The following CAPRIN1 variants were observed in gnomAD, a reference collection of about 807,000 sequenced individuals.
The protein encoded by CAPRIN1 is cell cycle associated protein 1, also known as caprin-1.
A neutral mutation model predicts 100.9 loss-of-function variants in CAPRIN1; 29 were observed. The observed-to-expected ratio is 0.29, with a 90% CI of 0.21 to 0.39. CAPRIN1 has a LOEUF of 0.39. CAPRIN1 is among the 10% of genes least tolerant of loss of function. The probability of loss-of-function intolerance (pLI) is 1.00; values close to 1 mark genes in which losing one functional copy is unlikely to be tolerated. For synonymous variants in CAPRIN1, 338 were observed against 307.5 expected, an observed-to-expected ratio of 1.10 and a Z score of -1.04; for missense variants, 795 against 876.7, an observed-to-expected ratio of 0.91 and a Z score of 1.18.
At chr11:34,052,751 C>T in intron 2 of CAPRIN1, 115 bp downstream of exon 2, 3 of 1,417,468 alleles carry the variant, frequency 2.1e-6, no homozygotes, top group Non-Finnish European at 2.9e-6. Flanking sequence ...ACTAGGTCCC[C>T]TCCTCCCACC....
intron 11 of CAPRIN1, among the ~76,000 whole-genome samples, chr11:34,088,630 G>A (rs1027103789): frequency 3.3e-5 from 5 of 152,102 alleles, no homozygotes; most frequent in South Asian, 2.1e-4. Context: ...CTATGATGGC[G>A]CCACTGCACT....
At chr11:34,090,019 TTTATA>T (rs1188692867) in intron 12 of CAPRIN1, 155 bp from the exon 13 acceptor site, 30 of 447,310 alleles carry the variant, frequency 6.7e-5, no homozygotes, top group Middle Eastern at 6.1e-4. Flanking sequence ...ATTTTTAGGT[TTTATA>T]TTATACAAAT....
At chr11:34,055,085 G>T (rs1850421845) in intron 2 of CAPRIN1, among the ~76,000 whole-genome samples, 1 of 152,070 alleles carries the variant, frequency 6.6e-6, no homozygotes, top group African/African-American at 2.4e-5. Context: ...ACCATGACTG[G>T]TCATTAAATG....
chr11:34,065,120 C>T (rs1280769127), intron 2 of CAPRIN1, among the ~76,000 whole-genome samples: 2 of 151,788 alleles, frequency 1.3e-5, no homozygotes, highest in African/African-American at 4.8e-5. Context: ...CCACCACGCC[C>T]GACTAATTTT....
At chr11:34,055,813 C>G (rs1850438109) in intron 2 of CAPRIN1, 1 of 152,138 alleles carries the variant, frequency 6.6e-6, no homozygotes, top group Admixed American at 6.5e-5. Flanking sequence ...ACAGTTAAGT[C>G]TTGAGACTTT....
chr11:34,073,732 CT>C (rs1179708823), intron 4 of CAPRIN1, among the ~76,000 whole-genome samples: 2 of 152,116 alleles, frequency 1.3e-5, no homozygotes, highest in Admixed American at 1.3e-4. Flanking sequence ...GCTTCAATTA[CT>C]TAATCTTAGA....
chr11:34,098,966 C>G, intron 18 of CAPRIN1: 2 of 1,133,970 alleles, frequency 1.8e-6, no homozygotes, highest in Non-Finnish European at 2.2e-6. Flanking sequence ...AGAGCAGGTA[C>G]CTTGTCTGTC....
At chr11:34,063,890 T>G (rs1286643470) in intron 2 of CAPRIN1, among the ~76,000 whole-genome samples, 1 of 152,046 alleles carries the variant, frequency 6.6e-6, no homozygotes, top group Non-Finnish European at 1.5e-5. Context: ...TGCCTCACCC[T>G]CCCTAGTAGC....
rs762999393 is a variant in CAPRIN1, at chr11:34,090,694, AACATT to A, written c.1554+18_1554+22del. 5.0e-6 allele frequency: 8 copies of A among 1,603,020 alleles called. No individual in the cohort carries two copies. Among genetic ancestry groups the A allele is most frequent in the Middle Eastern group, 1.6e-4 (1 of 6,064 alleles). On this transcript the variant is annotated intron_variant, in intron 14 of 18. Transcript: ENST00000341394. The stretch of plus-strand genomic sequence containing the variant: ...CATGCAAACGGTAAGCAAATTAACT[AACATT>A]AATTGCCTAGTATGTAATATGAATC...
chr11:34,097,914 C>A, intron 18 of CAPRIN1, 153 bp downstream of exon 18: 1 of 1,389,884 alleles, frequency 7.2e-7, no homozygotes, highest in Non-Finnish European at 9.4e-7. Context: ...AAAACTTAAT[C>A]TTGGACCCAA....
chr11:34,066,125 G>A (rs1253306775), intron 2 of CAPRIN1, among the ~76,000 whole-genome samples: 3 of 151,908 alleles, frequency 2.0e-5, no homozygotes, highest in South Asian at 2.1e-4. Flanking sequence ...GCAGGTGCGC[G>A]CCACCAGGCC....
At chr11:34,067,531 T>C (rs1316017637) in intron 2 of CAPRIN1, among the ~76,000 whole-genome samples, 1 of 151,182 alleles carries the variant, frequency 6.6e-6, no homozygotes, top group Non-Finnish European at 1.5e-5. Flanking sequence ...GCCAAGATAC[T>C]GTGCTGTCAC....
At chr11:34,094,333 G>A (rs1851323860) in intron 15 of CAPRIN1, among the ~76,000 whole-genome samples, 1 of 152,092 alleles carries the variant, frequency 6.6e-6, no homozygotes, top group South Asian at 2.1e-4. Flanking sequence ...TGGGATTACA[G>A]GCGTGAGCCA....
chr11:34,084,495 C>T (rs1851098482), intron 9 of CAPRIN1, among the ~76,000 whole-genome samples: 1 of 152,142 alleles, frequency 6.6e-6, no homozygotes, highest in African/African-American at 2.4e-5. Context: ...TACAGTTGTT[C>T]CTTGTTATAC....
rs116718346 is a variant in CAPRIN1, at chr11:34,096,311, A to G, written c.1706-168A>G. 2.2e-3 allele frequency: 1,170 copies of G among 535,486 alleles called. 19 individuals carry two copies. Among genetic ancestry groups the G allele is most frequent in the African/African-American group, 0.021 (1,092 of 51,416 alleles). 33.2% of individuals were successfully genotyped at this position (535,486 alleles called of 1,614,324 possible). A position where few individuals can be genotyped will look rare whatever the true frequency, so the allele number is the denominator to read the frequency against. On this transcript the variant is annotated intron_variant, in intron 15 of 18. Coordinates refer to ENST00000341394, the MANE Select transcript of CAPRIN1 (RefSeq NM_005898.5). Reference sequence around the variant, plus strand: ...CAATAGCTGAGTCTAAGGGTAGGAGAAAGGTAAGAGACTTTATTCATGTGT... The same window carrying G: ...CAATAGCTGAGTCTAAGGGTAGGAGGAAGGTAAGAGACTTTATTCATGTGT...
chr11:34,093,381 C>G (rs181558153), intron 15 of CAPRIN1, among the ~76,000 whole-genome samples: 2 of 152,000 alleles, frequency 1.3e-5, no homozygotes, highest in East Asian at 3.9e-4. Context: ...CCTCCCACCT[C>G]TACCTTATAG....
At chr11:34,097,846 G>A in intron 18 of CAPRIN1, 85 bp downstream of exon 18, 1 of 1,606,582 alleles carries the variant, frequency 6.2e-7, no homozygotes, top group South Asian at 1.1e-5. Flanking sequence ...TGCATGTTAG[G>A]AATACATTTA....
chr11:34,069,242 C>CGGG (rs1850763438), intron 2 of CAPRIN1, among the ~76,000 whole-genome samples: 1 of 151,194 alleles, frequency 6.6e-6, no homozygotes, highest in Non-Finnish European at 1.5e-5. Flanking sequence ...CTCTGCCTCC[C>CGGG]GGGTTCAAGC....
intron 2 of CAPRIN1, chr11:34,052,988 A>AG: frequency 9.4e-7 from 1 of 1,060,958 alleles, no homozygotes; most frequent in Non-Finnish European, 1.1e-6. Flanking sequence ...TCCGTCTCTG[A>AG]GGCCCGATTT....
Sources: gnomAD v4.1 joint callset for allele counts (sites outside exome capture counted in the v4.1 genomes callset) on GRCh38, gnomAD v4.1.1 for gene constraint, MANE v1.5 for transcripts, NCBI Gene and HGNC (gene_info 2026-07-23, HGNC 2026-07-21) for gene names.